Variants in PPP1R7 observed in about 807,000 individuals in gnomAD.
PPP1R7 encodes protein phosphatase 1 regulatory subunit 22.
A neutral mutation model predicts 45.2 loss-of-function variants in PPP1R7; 18 were observed. The ratio of observed to expected loss-of-function variants is 0.40; its 90% CI spans 0.28 to 0.59. PPP1R7 has a LOEUF of 0.59. Ranked by LOEUF, PPP1R7 falls within the 20% of genes least tolerant of loss-of-function variation. The probability of loss-of-function intolerance (pLI) is 0.46; values close to 1 mark genes in which losing one functional copy is unlikely to be tolerated. For synonymous variants in PPP1R7, 181 were observed against 183.4 expected, an observed-to-expected ratio of 0.99 and a Z score of 0.11; for missense variants, 314 against 455.8, an observed-to-expected ratio of 0.69 and a Z score of 2.83.
At position 241,164,507 on chromosome 2, in the gene PPP1R7, G is replaced by T. The variant is rs534692848; in HGVS notation, c.714+1106G>T. 2.0e-5 allele frequency among the ~76,000 whole-genome samples: 3 copies of T among 152,320 alleles called. No individual in the cohort carries two copies. In the East Asian group the frequency reaches 5.8e-4, roughly 29 times the overall value. ...CAGAGTGCTCTGGGGACGAGGCCCG[G>T]TATGGTTAGTTGATCCCTGATCCCT... On this transcript the variant is annotated intron_variant, in intron 7 of 9. Transcript: ENST00000234038.
At chr2:241,178,800 G>A (rs1268866069) in intron 9 of PPP1R7, among the ~76,000 whole-genome samples, 1 of 144,290 alleles carries the variant, frequency 6.9e-6, no homozygotes, top group Non-Finnish European at 1.5e-5. Context: ...GCCTGTGTCT[G>A]GCAGCCTCAC....
In PPP1R7 at chr2:241,183,641, C is replaced by T; in HGVS notation, c.*818C>T. 3.2e-6 allele frequency: 1 copy of T among 312,974 alleles called. No homozygotes were observed. The highest frequency in any genetic ancestry group is 2.4e-5 in the South Asian group (1 of 40,948). 19.4% of individuals were successfully genotyped at this position (312,974 alleles called of 1,614,324 possible). A position where few individuals can be genotyped will look rare whatever the true frequency, so the allele number is the denominator to read the frequency against. On this transcript the variant is annotated 3_prime_UTR_variant, in exon 10 of 10. Transcript: ENST00000234038. ...TTTGGCTTTTTTAATATAAAATGTA[C>T]ATTGACAGACACCCGAAGTCTGGAT...
chr2:241,162,885 G>T (rs59174826), intron 6 of PPP1R7, among the ~76,000 whole-genome samples: 34,637 of 151,992 alleles, frequency 0.23, 4,763 homozygotes, highest in Non-Finnish European at 0.31. Flanking sequence ...GGGTTTCACC[G>T]TGTTAGCCAG....
intron 8 of PPP1R7, among the ~76,000 whole-genome samples, chr2:241,168,963 G>A (rs1453616324): frequency 1.3e-5 from 2 of 152,260 alleles, no homozygotes; most frequent in Admixed American, 6.5e-5. Flanking sequence ...GAGCGTGAGG[G>A]CAGAGAAGGG....
chr2:241,167,008 C>T, intron 8 of PPP1R7: 1 of 1,595,950 alleles, frequency 6.3e-7, no homozygotes, highest in Non-Finnish European at 8.6e-7. Context: ...CTCACCTGTT[C>T]ATGCTCCTCC....
chr2:241,149,889 G>A, upstream of PPP1R7: 2 of 1,442,760 alleles, frequency 1.4e-6, no homozygotes, highest in Non-Finnish European at 1.8e-6. Flanking sequence ...CTGGCTAGCG[G>A]CCCCACCAGC....
intron 2 of PPP1R7, among the ~76,000 whole-genome samples, chr2:241,156,068 T>G (rs1321800454): frequency 6.6e-6 from 1 of 152,194 alleles, no homozygotes; most frequent in Non-Finnish European, 1.5e-5. Context: ...GTTAAGCTGG[T>G]CTGATGTCAG....
chr2:241,163,184 G>A (rs2067632423), intron 6 of PPP1R7, 101 bp from the exon 7 acceptor site: 1 of 717,854 alleles, frequency 1.4e-6, no homozygotes, highest in Non-Finnish European at 2.5e-6. Flanking sequence ...CCACATCGCA[G>A]AGCTGAAGCC....
chr2:241,156,299 C>T (rs2067456143), intron 2 of PPP1R7, among the ~76,000 whole-genome samples: 1 of 152,260 alleles, frequency 6.6e-6, no homozygotes, highest in Non-Finnish European at 1.5e-5. Flanking sequence ...TTCACAGACT[C>T]CAGACTGGGA....
chr2:241,172,991 T>C (rs1436987522), intron 9 of PPP1R7, among the ~76,000 whole-genome samples: 1 of 151,598 alleles, frequency 6.6e-6, no homozygotes, highest in Non-Finnish European at 1.5e-5. Context: ...AAATATTTTT[T>C]AAAAATAAAT....
At chr2:241,180,231 A>G (rs755733689) in intron 9 of PPP1R7, among the ~76,000 whole-genome samples, 1 of 152,170 alleles carries the variant, frequency 6.6e-6, no homozygotes, top group Non-Finnish European at 1.5e-5. Context: ...ACAGTGTGAT[A>G]TTGCTACTTT....
At chr2:241,181,973 A>G (rs2068014118) in intron 9 of PPP1R7, among the ~76,000 whole-genome samples, 1 of 151,854 alleles carries the variant, frequency 6.6e-6, no homozygotes, top group Non-Finnish European at 1.5e-5. Flanking sequence ...ACTGCACTCC[A>G]GCCTGGGCGA....
At chr2:241,161,106 G>A (rs1046763522) in intron 6 of PPP1R7, among the ~76,000 whole-genome samples, 1 of 131,776 alleles carries the variant, frequency 7.6e-6, no homozygotes, top group Non-Finnish European at 1.6e-5. Context: ...CAGCAAAGTG[G>A]TCACTTGGAG....
chr2:241,153,729 T>A (rs11884809), intron 2 of PPP1R7, 125 bp downstream of exon 2: 1 of 1,239,422 alleles, frequency 8.1e-7, no homozygotes, highest in Non-Finnish European at 1.1e-6. Context: ...TCCTTAGGGG[T>A]CCTCAGTGGC....
rs1305826641 is a variant in PPP1R7 at position 241,183,132 on chromosome 2, CCCTA to C, written c.*313_*316del. On this transcript the variant is annotated 3_prime_UTR_variant, in exon 10 of 10. Coordinates refer to ENST00000234038, the MANE Select transcript of PPP1R7 (RefSeq NM_002712.3). ...CCTTCTCTCAGAAGGCAGTCACAGT[CCCTA>C]CCTGAGTCGTGTGAAACACAGGGCC... 4.8e-6 allele frequency: 2 copies of C among 417,244 alleles called. No individual in the cohort carries two copies. Among genetic ancestry groups the C allele is most frequent in the Non-Finnish European group, 9.1e-6 (2 of 220,508 alleles). The allele number at this position is 417,244 out of a possible 1,614,324, so 25.8% of individuals were successfully genotyped here. A position where few individuals can be genotyped will look rare whatever the true frequency, so the allele number is the denominator to read the frequency against.
chr2:241,181,047 A>C (rs1462848527), intron 9 of PPP1R7, among the ~76,000 whole-genome samples: 1 of 151,982 alleles, frequency 6.6e-6, no homozygotes, highest in Non-Finnish European at 1.5e-5. Context: ...AAAATACAAA[A>C]ATTAGCCGAG....
chr2:241,149,633 G>C (rs530701258), upstream of PPP1R7: 1,433 of 1,538,914 alleles, frequency 9.3e-4, 30 homozygotes, highest in South Asian at 0.015. Flanking sequence ...CGCTTCGGAG[G>C]AGCCAAAGGA....
chr2:241,157,131 G>C (rs144809431), intron 2 of PPP1R7, among the ~76,000 whole-genome samples: 63 of 152,330 alleles, frequency 4.1e-4, no homozygotes, highest in African/African-American at 1.1e-3. Flanking sequence ...CCGGGGTAGA[G>C]AGTCCTCGTG....
At chr2:241,158,182 G>C (rs2067503002) in intron 3 of PPP1R7, among the ~76,000 whole-genome samples, 1 of 152,200 alleles carries the variant, frequency 6.6e-6, no homozygotes, top group African/African-American at 2.4e-5. Context: ...GCGTGTCTCT[G>C]ATGGTGATGG....
Sources: allele counts gnomAD v4.1 joint callset (sites outside exome capture counted in the v4.1 genomes callset), GRCh38; gene constraint gnomAD v4.1.1; transcripts MANE v1.5; gene names NCBI Gene and HGNC (gene_info 2026-07-23, HGNC 2026-07-21).